Variants in CYRIB observed in about 807,000 individuals in gnomAD.
CYRIB encodes the protein CYFIP-related Rac1 interactor B.
CYRIB carries 8 observed loss-of-function variants against 44.2 expected under a neutral mutation model. The ratio of observed to expected loss-of-function variants is 0.18; its 90% CI spans 0.11 to 0.33. CYRIB has a LOEUF of 0.33. Ranked by LOEUF, CYRIB falls within the 10% of genes least tolerant of loss-of-function variation. The probability of loss-of-function intolerance (pLI) is 1.00; values close to 1 mark genes in which losing one functional copy is unlikely to be tolerated. For synonymous variants in CYRIB, 131 were observed against 127.2 expected (o/e 1.03, Z -0.20); for missense variants, 185 against 382.8 (o/e 0.48, Z 4.31).
At chr8:129,869,726 CTTGTATTTAT>C (rs1314203524) in intron 4 of CYRIB, among the ~76,000 whole-genome samples, 1 of 152,104 alleles carries the variant, frequency 6.6e-6, no homozygotes, top group African/African-American at 2.4e-5. Context: ...GACCAAAGCC[CTTGTATTTAT>C]TTGTTCAACA....
upstream of CYRIB, among the ~76,000 whole-genome samples, chr8:129,944,630 A>C (rs912368154): frequency 2.0e-5 from 3 of 152,012 alleles, no homozygotes; most frequent in African/African-American, 7.3e-5. Flanking sequence ...TAAAAATACA[A>C]AAATTAGCCA....
intron 2 of CYRIB, among the ~76,000 whole-genome samples, chr8:129,955,046 G>C (rs1397828673): frequency 6.6e-6 from 1 of 152,064 alleles, no homozygotes; most frequent in Admixed American, 6.6e-5. Context: ...TTGAGTTTAG[G>C]AGTTTGAAAC....
intron 1 of CYRIB, among the ~76,000 whole-genome samples, chr8:129,933,897 A>T (rs1003723363): frequency 1.1e-5 from 1 of 88,048 alleles, no homozygotes; most frequent in African/African-American, 4.2e-5. Flanking sequence ...CAAAAAAAAA[A>T]AGAAGAAGAA....
chr8:129,840,989 T>C (rs1265318460), exon 12 of CYRIB: 1 of 152,244 alleles, frequency 6.6e-6, no homozygotes, highest in Admixed American at 6.5e-5. Context: ...AACCTTTAAG[T>C]AGTTTGTTCC....
At chr8:130,001,579 G>C (rs550382570) in intron 1 of CYRIB, among the ~76,000 whole-genome samples, 39 of 146,706 alleles carry the variant, frequency 2.7e-4, no homozygotes, top group African/African-American at 9.0e-4. Context: ...CCCAGGCTGG[G>C]GTGCAATGGC....
chr8:129,952,123 G>A (rs184239291), intron 2 of CYRIB, among the ~76,000 whole-genome samples: 44 of 152,308 alleles, frequency 2.9e-4, no homozygotes, highest in African/African-American at 8.9e-4. Context: ...TCGGCTTACC[G>A]CAACCTCCAC....
intron 1 of CYRIB, among the ~76,000 whole-genome samples, chr8:129,987,895 C>T (rs2096523004): frequency 6.6e-6 from 1 of 152,162 alleles, no homozygotes; most frequent in South Asian, 2.1e-4. Flanking sequence ...TACACAAATC[C>T]TCCGCTGGCT....
chr8:129,930,054 T>C (rs916946210), intron 1 of CYRIB, among the ~76,000 whole-genome samples: 4 of 151,572 alleles, frequency 2.6e-5, no homozygotes, highest in Non-Finnish European at 5.9e-5. Context: ...CTACTAAAAA[T>C]ACAAAAATTC....
intron 1 of CYRIB, among the ~76,000 whole-genome samples, chr8:130,005,530 G>A (rs1035459568): frequency 7.2e-5 from 11 of 152,124 alleles, no homozygotes; most frequent in African/African-American, 2.7e-4. Context: ...CATTGCCTCT[G>A]AACAGTCTTC....
chr8:130,000,880 A>C (rs140128022), intron 1 of CYRIB, among the ~76,000 whole-genome samples: 3 of 152,252 alleles, frequency 2.0e-5, no homozygotes, highest in African/African-American at 7.2e-5. Context: ...AAAGAAAAAA[A>C]AAATCTAATA....
intron 2 of CYRIB, among the ~76,000 whole-genome samples, chr8:129,889,778 C>T (rs1588747610): frequency 6.6e-6 from 1 of 151,174 alleles, no homozygotes; most frequent in African/African-American, 2.4e-5. Flanking sequence ...TATGGATAAT[C>T]AAAGAAAATG....
intron 1 of CYRIB, among the ~76,000 whole-genome samples, chr8:129,913,392 A>G (rs1279967909): frequency 1.3e-5 from 2 of 152,238 alleles, no homozygotes; most frequent in African/African-American, 4.8e-5. Context: ...AAGTTGTTCA[A>G]TTAATTGCAA....
intron 1 of CYRIB, among the ~76,000 whole-genome samples, chr8:129,918,778 C>G (rs1439555962): frequency 6.6e-6 from 1 of 152,150 alleles, no homozygotes; most frequent in East Asian, 1.9e-4. Context: ...AATAAGCAAA[C>G]ATCATAAATA....
chr8:129,885,679 C>T (rs1049438050), intron 2 of CYRIB, among the ~76,000 whole-genome samples: 9 of 152,054 alleles, frequency 5.9e-5, no homozygotes, highest in African/African-American at 2.2e-4. Context: ...CAAATGTCCC[C>T]TAGGAGGCAA....
At chr8:129,910,325 T>G (rs2077300874) in intron 1 of CYRIB, among the ~76,000 whole-genome samples, 1 of 152,162 alleles carries the variant, frequency 6.6e-6, no homozygotes, top group Admixed American at 6.5e-5. Flanking sequence ...ACATATATCT[T>G]TGTTGAAATA....
chr8:129,882,439 A>G (rs941053992), intron 2 of CYRIB, among the ~76,000 whole-genome samples: 1 of 152,246 alleles, frequency 6.6e-6, no homozygotes, highest in African/African-American at 2.4e-5. Flanking sequence ...ATTAAAACCT[A>G]AATATCACAA....
rs184329847 is a variant in CYRIB, at chr8:129,925,215, T to C, written c.-50+14393A>G. Among the ~76,000 whole-genome samples the C allele has an allele frequency of 2.2e-4, 33 of 152,058 alleles. No homozygotes were observed. In the Middle Eastern group the frequency reaches 0.014, roughly 63 times the overall value. ...GAGTTCTAGACCAGCCTGGCCAACA[T>C]GGTGAAACCCCGCCTCTACTAAAAA... On this transcript the variant is annotated intron_variant, in intron 1 of 11. Coordinates refer to ENST00000519824, the Ensembl canonical transcript of CYRIB.
In CYRIB at chr8:129,949,739, G is replaced by A. The variant is rs182832685; in HGVS notation, c.-243+21204C>T. ...AAAAAAATACAAAAATTAGCAGGGC[G>A]TGGTGGTGCATGCCTGTAATCCCAG... is the stretch of plus-strand genomic sequence containing the variant. On this transcript the variant is annotated intron_variant, in intron 2 of 14. Transcript: ENST00000401979. Among the ~76,000 whole-genome samples the A allele has an allele frequency of 6.5e-4, 98 of 151,920 alleles. No homozygotes were observed. The South Asian group carries it at 0.011, about 17-fold the overall frequency.
intron 2 of CYRIB, among the ~76,000 whole-genome samples, chr8:129,968,542 C>G (rs1263891382): frequency 6.6e-6 from 1 of 152,064 alleles, no homozygotes; most frequent in Non-Finnish European, 1.5e-5. Flanking sequence ...ATTGTGAACT[C>G]GTCTTCAGAG....
Sources: allele counts gnomAD v4.1 joint callset (sites outside exome capture counted in the v4.1 genomes callset), GRCh38; gene constraint gnomAD v4.1.1; transcripts MANE v1.5; gene names NCBI Gene and HGNC (gene_info 2026-07-23, HGNC 2026-07-21).